Variants in CEP41 observed in about 807,000 individuals in gnomAD.
The protein encoded by CEP41 is centrosomal protein of 41 kDa.
Under a neutral mutation model 44.3 loss-of-function variants are expected in CEP41, and 32 were observed. The observed-to-expected ratio is 0.72, with a 90% CI of 0.54 to 0.97. The LOEUF (loss-of-function observed/expected upper bound fraction) is 0.97, where lower values mean the gene tolerates loss of function less well. Among genes scored for constraint, CEP41 ranks in the 50% least tolerant of loss-of-function variants. The pLI, the probability that CEP41 is intolerant of heterozygous loss-of-function variation, is 0.00. For synonymous variants in CEP41, 151 were observed against 168.5 expected (o/e 0.90, Z 0.80); for missense variants, 432 against 455.2 (o/e 0.95, Z 0.46).
At chr7:130,409,300 C>T (rs1289219113) in intron 5 of CEP41, among the ~76,000 whole-genome samples, 3 of 152,202 alleles carry the variant, frequency 2.0e-5, no homozygotes, top group African/African-American at 7.2e-5. Context: ...GCCTACTTTG[C>T]TGTGCAAATT....
At chr7:130,421,832 G>A (rs781923328) in intron 2 of CEP41, 1 of 1,387,490 alleles carries the variant, frequency 7.2e-7, no homozygotes. Context: ...TTTGGAAAGT[G>A]TCCCTTAATC....
At chr7:130,416,815 G>T in intron 3 of CEP41, 104 bp downstream of exon 3, 2 of 912,990 alleles carry the variant, frequency 2.2e-6, no homozygotes, top group Non-Finnish European at 3.7e-6. Context: ...ACCATCCATA[G>T]CTCTCTGTGC....
intron 9 of CEP41, 66 bp downstream of exon 9, chr7:130,400,641 G>T: frequency 1.1e-6 from 1 of 946,774 alleles, no homozygotes; most frequent in Non-Finnish European, 1.7e-6. Flanking sequence ...GAGAGAAAAG[G>T]GGATGCAGGT....
chr7:130,441,083 C>T (rs571410692), upstream of CEP41: 10 of 1,212,082 alleles, frequency 8.3e-6, no homozygotes, highest in African/African-American at 1.5e-5. Flanking sequence ...CCGATTGGCC[C>T]GTCTTCCCCG....
At position 130,401,878 on chromosome 7, in the gene CEP41, T is replaced by A; in HGVS notation, c.642+3A>T. 1 of 1,579,866 alleles carries A rather than the reference T, an allele frequency of 6.3e-7. No individual in the cohort carries two copies. Among genetic ancestry groups the A allele is most frequent in the Non-Finnish European group, 8.7e-7 (1 of 1,148,846 alleles). On this transcript the variant is annotated splice_donor_region_variant and intron_variant, in intron 8 of 10. Transcript: ENST00000223208. ...CAATTCCTTAAAATGCAACAAAGGA[T>A]ACATATTCAAGAATATCATTTGAAT...
At chr7:130,420,959 T>C (rs1218640467) in intron 2 of CEP41, 1 of 983,414 alleles carries the variant, frequency 1.0e-6, no homozygotes, top group Non-Finnish European at 1.2e-6. Context: ...ATACAGTATA[T>C]GTTATGTGCT....
In CEP41 at chr7:130,419,591, T is replaced by G; in HGVS notation, c.98-2625A>C. 5 of 983,864 alleles carry G rather than the reference T, an allele frequency of 5.1e-6. No individual in the cohort carries two copies. The South Asian group carries it at 1.4e-4, about 28-fold the overall frequency. 60.9% of individuals were successfully genotyped at this position (983,864 alleles called of 1,614,324 possible). ...AGAACCAATTTTTTTTAAAAAAAATTGAAATTACACATTACTGCCAGATAC... is the reference window on the plus strand; with the variant it reads ...AGAACCAATTTTTTTTAAAAAAAATGGAAATTACACATTACTGCCAGATAC... On this transcript the variant is annotated intron_variant, in intron 2 of 10. Coordinates refer to ENST00000223208, the MANE Select transcript of CEP41 (RefSeq NM_018718.3).
At chr7:130,403,154 C>A (rs905530146) in intron 6 of CEP41, among the ~76,000 whole-genome samples, 1 of 151,902 alleles carries the variant, frequency 6.6e-6, no homozygotes, top group Admixed American at 6.6e-5. Flanking sequence ...TCCAGTAGAG[C>A]GAAAGAGGGA....
chr7:130,409,126 G>A (rs1267536053), intron 5 of CEP41, among the ~76,000 whole-genome samples: 7 of 152,098 alleles, frequency 4.6e-5, no homozygotes, highest in African/African-American at 1.4e-4. Flanking sequence ...AGGAAAAAGC[G>A]ATAAACATTA....
intron 1 of CEP41, among the ~76,000 whole-genome samples, chr7:130,433,549 G>A (rs1373999179): frequency 5.9e-5 from 9 of 152,132 alleles, no homozygotes; most frequent in African/African-American, 1.4e-4. Flanking sequence ...CCTGTTTGTG[G>A]TATCATTACA....
intron 2 of CEP41, chr7:130,426,671 A>G (rs781902203): frequency 4.4e-6 from 2 of 456,030 alleles, no homozygotes; most frequent in Non-Finnish European, 8.8e-6. Flanking sequence ...CACAGTTGCA[A>G]TTAGGGGTTA....
At position 130,397,670 on chromosome 7, in the gene CEP41, A is replaced by G. The variant is rs1554415383; in HGVS notation, c.*1221T>C. On this transcript the variant is annotated 3_prime_UTR_variant, in exon 11 of 11. Transcript: ENST00000223208. ...AATTTATTCCTCAGTCCCTTATCAC[A>G]GCTACGATCACAGACCATAAAAATT... 1 of 454,310 alleles carries G rather than the reference A, an allele frequency of 2.2e-6. No individual in the cohort carries two copies. The highest frequency in any genetic ancestry group is 1.6e-5 in the South Asian group (1 of 64,434). The allele number at this position is 454,310 out of a possible 1,614,324, so 28.1% of individuals were successfully genotyped here. A position where few individuals can be genotyped will look rare whatever the true frequency, so the allele number is the denominator to read the frequency against.
At chr7:130,429,176 A>G (rs978588393) in intron 1 of CEP41, among the ~76,000 whole-genome samples, 5 of 152,148 alleles carry the variant, frequency 3.3e-5, no homozygotes, top group Non-Finnish European at 7.4e-5. Flanking sequence ...CCCTAAGCAC[A>G]GTGCTCCAGA....
Position 130,396,708 on chromosome 7 carries a change from A to T in CEP41, c.*2183T>A, listed in dbSNP as rs1554414737. On this transcript the variant is annotated 3_prime_UTR_variant, in exon 11 of 11. Coordinates refer to ENST00000223208, the MANE Select transcript of CEP41 (RefSeq NM_018718.3). ...TTAACACTTAACATGCAAAACGCAG[A>T]TTAGAACAGCTCTTTTGAGCATGGT... 6.6e-6 allele frequency: 3 copies of T among 454,568 alleles called. No homozygotes were observed. In the Admixed American group the frequency reaches 7.0e-5, roughly 11 times the overall value. The allele number at this position is 454,568 out of a possible 1,614,324, so 28.2% of individuals were successfully genotyped here.
chr7:130,437,826 A>T (rs986721747), intron 1 of CEP41, among the ~76,000 whole-genome samples: 3 of 151,722 alleles, frequency 2.0e-5, no homozygotes, highest in African/African-American at 7.3e-5. Flanking sequence ...TTTTCAACCA[A>T]TAATTCTATA....
intron 9 of CEP41, 42 bp from the exon 10 acceptor site, chr7:130,400,296 C>A (rs782382703): frequency 7.1e-7 from 1 of 1,415,428 alleles, no homozygotes; most frequent in Non-Finnish European, 1.0e-6. Flanking sequence ...ATTAATATGG[C>A]AAGGCCAGGC....
intron 3 of CEP41, among the ~76,000 whole-genome samples, chr7:130,413,728 T>C (rs1465864074): frequency 4.6e-5 from 7 of 152,236 alleles, no homozygotes; most frequent in Admixed American, 1.3e-4. Flanking sequence ...ACTAAGCCAG[T>C]TGCACTTTAT....
Position 130,398,605 on chromosome 7 carries a change from A to T in CEP41, c.*286T>A, listed in dbSNP as rs1399512676. 1.7e-6 allele frequency: 1 copy of T among 595,028 alleles called. No individual in the cohort carries two copies. Among genetic ancestry groups the T allele is most frequent in the Non-Finnish European group, 3.1e-6 (1 of 318,176 alleles). The allele number at this position is 595,028 out of a possible 1,614,324, so 36.9% of individuals were successfully genotyped here. On this transcript the variant is annotated 3_prime_UTR_variant, in exon 11 of 11. Transcript: ENST00000223208. The stretch of plus-strand genomic sequence containing the variant: ...CAAAACAAAAAAACTAAAAACGTAG[A>T]TACTTTTTTCCTATACAGTTTCACA...
chr7:130,426,626 T>TAC (rs1554423556), intron 2 of CEP41: 1 of 456,040 alleles, frequency 2.2e-6, no homozygotes, highest in African/African-American at 2.0e-5. Context: ...TCTAGGTGCT[T>TAC]ACCTCACAGA....
Sources: gnomAD v4.1 joint callset for allele counts (sites outside exome capture counted in the v4.1 genomes callset) on GRCh38, gnomAD v4.1.1 for gene constraint, MANE v1.5 for transcripts, NCBI Gene and HGNC (gene_info 2026-07-23, HGNC 2026-07-21) for gene names.